SRPRB: variants seen among roughly 807,000 people sequenced by gnomAD.
SRPRB encodes SRP receptor subunit beta.
SRPRB carries 20 observed loss-of-function variants against 31.9 expected under a neutral mutation model. The ratio of observed to expected loss-of-function variants is 0.63; its 90% CI spans 0.44 to 0.91. The LOEUF (loss-of-function observed/expected upper bound fraction) is 0.91, where lower values mean the gene tolerates loss of function less well. SRPRB is among the 40% of genes least tolerant of loss of function. SRPRB has a pLI of 0.00. For missense variants in SRPRB, 321 were observed against 324.9 expected (o/e 0.99, Z 0.09); for synonymous variants, 146 against 132.8 (o/e 1.10, Z -0.68).
At chr3:133,802,746 A>C (rs1935080712), upstream of SRPRB, among the ~76,000 whole-genome samples, 1 of 152,104 alleles carries the variant, frequency 6.6e-6, no homozygotes, top group South Asian at 2.1e-4. Context: ...CTGACTCCCA[A>C]ATGAAAATCT....
At chr3:133,815,758 A>G in intron 5 of SRPRB, 32 bp downstream of exon 5, 1 of 1,605,032 alleles carries the variant, frequency 6.2e-7, no homozygotes, top group Non-Finnish European at 8.5e-7. Flanking sequence ...ATAATAATTG[A>G]GTTTTTTGGG....
downstream of SRPRB, among the ~76,000 whole-genome samples, chr3:133,823,955 G>C (rs988943189): frequency 1.3e-5 from 2 of 152,188 alleles, no homozygotes; most frequent in Admixed American, 1.3e-4. Context: ...CCCTGACTCA[G>C]TTCTGCCTGG....
chr3:133,807,998 A>G (rs1011128243), intron 3 of SRPRB, among the ~76,000 whole-genome samples, 175 bp downstream of exon 3: 3 of 152,224 alleles, frequency 2.0e-5, no homozygotes, highest in Admixed American at 6.5e-5. Context: ...AGTAGATTTA[A>G]TCATGCCCTC....
At chr3:133,799,423 G>A (rs1935029874) in intron 1 of SRPRB, among the ~76,000 whole-genome samples, 3 of 152,090 alleles carry the variant, frequency 2.0e-5, no homozygotes, top group Admixed American at 2.0e-4. Flanking sequence ...ATAATCAGAT[G>A]TATAGTATAT....
chr3:133,813,115 T>C (rs1490230121), intron 4 of SRPRB, among the ~76,000 whole-genome samples: 1 of 152,226 alleles, frequency 6.6e-6, no homozygotes, highest in East Asian at 1.9e-4. Context: ...CAGATGAGAA[T>C]GTTTTTGCCA....
upstream of SRPRB, among the ~76,000 whole-genome samples, chr3:133,803,275 C>T (rs1362865656): frequency 1.3e-5 from 2 of 152,078 alleles, no homozygotes; most frequent in East Asian, 1.9e-4. Context: ...GCCAAAAGGC[C>T]GAGAAGCGAT....
intron 1 of SRPRB, among the ~76,000 whole-genome samples, chr3:133,797,138 C>A (rs1296862829): frequency 3.9e-5 from 6 of 152,074 alleles, no homozygotes; most frequent in Admixed American, 3.9e-4. Flanking sequence ...GGATGGTGTC[C>A]TAATTTATAA....
chr3:133,807,925 A>G, intron 3 of SRPRB, 102 bp downstream of exon 3: 1 of 789,886 alleles, frequency 1.3e-6, no homozygotes, highest in Non-Finnish European at 2.1e-6. Flanking sequence ...TGTAAGTACC[A>G]TTTGTAGCTT....
chr3:133,819,460 G>GT, intron 6 of SRPRB, 93 bp from the exon 7 acceptor site: 1 of 1,187,532 alleles, frequency 8.4e-7, no homozygotes, highest in South Asian at 1.4e-5. Context: ...CTATAGTTAA[G>GT]TTTTAAATGA....
downstream of SRPRB, chr3:133,827,066 T>C (rs1362201360): frequency 1.3e-5 from 2 of 152,682 alleles, no homozygotes; most frequent in African/African-American, 4.8e-5. Context: ...TGAAGATAAA[T>C]TCCTTGCTAG....
chr3:133,811,208 G>A lies in SRPRB; in HGVS notation c.410+9G>A. ...TTTAAGTCTTCAGCCAGGTAAGAAGGAAAGAAGTGAAGTGGGCTTGTCTAG... is the reference window on the plus strand; with the variant it reads ...TTTAAGTCTTCAGCCAGGTAAGAAGAAAAGAAGTGAAGTGGGCTTGTCTAG... On this transcript the variant is annotated intron_variant, in intron 4 of 6. Transcript: ENST00000678299. 1 of 1,613,776 alleles carries A rather than the reference G, an allele frequency of 6.2e-7. No individual in the cohort carries two copies. Among genetic ancestry groups the A allele is most frequent in the Non-Finnish European group, 8.5e-7 (1 of 1,179,702 alleles).
chr3:133,828,106 T>G, downstream of SRPRB: 3 of 638,440 alleles, frequency 4.7e-6, no homozygotes. Flanking sequence ...GTGGGAGCAG[T>G]TCCTCTGGGG....
chr3:133,795,620 G>A (rs1390009493), intron 1 of SRPRB: 2 of 136,270 alleles, frequency 1.5e-5, no homozygotes, highest in Non-Finnish European at 3.1e-5. Flanking sequence ...CTGTCACCCG[G>A]GCTGGAGTGC....
chr3:133,799,086 G>A lies in SRPRB; in HGVS notation c.-173-6590G>A, dbSNP rs1935022779. On this transcript the variant is annotated intron_variant, in intron 1 of 7. Coordinates refer to the SRPRB transcript ENST00000466490. Reference sequence around the variant, plus strand: ...ACTACTAATACCCAGAGGTGGGAAAGGAATAGAGAAAACAGTTACGGTTAC... The same window carrying A: ...ACTACTAATACCCAGAGGTGGGAAAAGAATAGAGAAAACAGTTACGGTTAC... Among the ~76,000 whole-genome samples, 2 of 152,136 alleles carry A rather than the reference G, an allele frequency of 1.3e-5. 1 individual carries two copies. Among genetic ancestry groups the A allele is most frequent in the South Asian group, 4.1e-4 (2 of 4,828 alleles).
chr3:133,788,027 A>C (rs986814808), intron 1 of SRPRB: 7 of 152,272 alleles, frequency 4.6e-5, no homozygotes, highest in African/African-American at 1.7e-4. Flanking sequence ...ATTCTAGATC[A>C]GAATATTCCT....
At chr3:133,784,147 G>A (rs1243188129) in intron 1 of SRPRB, 1 of 152,344 alleles carries the variant, frequency 6.6e-6, no homozygotes, top group African/African-American at 2.4e-5. Context: ...CCCAGAAGGT[G>A]AGGGGAGTCC....
At chr3:133,818,617 C>T (rs1052165995) in intron 6 of SRPRB, among the ~76,000 whole-genome samples, 2 of 152,154 alleles carry the variant, frequency 1.3e-5, no homozygotes, top group Admixed American at 6.5e-5. Flanking sequence ...TGTAAAATAT[C>T]TTACTTATAA....
intron 1 of SRPRB, among the ~76,000 whole-genome samples, chr3:133,800,798 A>G (rs1417107915): frequency 2.6e-5 from 4 of 152,218 alleles, no homozygotes; most frequent in African/African-American, 7.2e-5. Flanking sequence ...GGGATCATTC[A>G]TTCAACAGTT....
chr3:133,788,316 CT>C (rs1364611603), intron 1 of SRPRB: 1 of 152,210 alleles, frequency 6.6e-6, no homozygotes, highest in African/African-American at 2.4e-5. Flanking sequence ...ATTTCATCCT[CT>C]TCATTTACAT....
Sources: allele counts gnomAD v4.1 joint callset (sites outside exome capture counted in the v4.1 genomes callset), GRCh38; gene constraint gnomAD v4.1.1; transcripts MANE v1.5; gene names NCBI Gene and HGNC (gene_info 2026-07-23, HGNC 2026-07-21).